DISC1: variants seen among roughly 807,000 people sequenced by gnomAD.
DISC1 encodes the protein disrupted in schizophrenia 1 protein.
Under a neutral mutation model 84.5 loss-of-function variants are expected in DISC1, and 57 were observed. The ratio of observed to expected loss-of-function variants is 0.67; its 90% CI spans 0.55 to 0.84. DISC1 has a LOEUF of 0.84. Ranked by LOEUF, DISC1 falls within the 40% of genes least tolerant of loss-of-function variation. The pLI is 0.00. For synonymous variants in DISC1, 411 were observed against 415.2 expected (o/e 0.99, Z 0.12); for missense variants, 1,000 against 1,057.8 (o/e 0.95, Z 0.76).
At chr1:231,817,523 A>G (rs980962334) in intron 8 of DISC1, among the ~76,000 whole-genome samples, 1 of 152,258 alleles carries the variant, frequency 6.6e-6, no homozygotes, top group Non-Finnish European at 1.5e-5. Context: ...GTGTATGTAT[A>G]CAGTGTATCT....
chr1:231,867,581 T>C (rs983978773), intron 9 of DISC1, among the ~76,000 whole-genome samples: 4 of 152,246 alleles, frequency 2.6e-5, no homozygotes, highest in Admixed American at 2.6e-4. Context: ...CTCCTGAGTG[T>C]GCAAGACAGG....
rs140157274 is a variant in DISC1, at chr1:231,954,668, C to T, written c.1982-4160C>T. Among the ~76,000 whole-genome samples the T allele has an allele frequency of 8.5e-4, 130 of 152,230 alleles. 2 individuals are homozygous for T. In the East Asian group the frequency reaches 0.011, roughly 13 times the overall value. ...GCCATTCTCATAGGTCCCTGCTCTA[C>T]TGGACCTAAAATGGTAGGGAAGAAA... On this transcript the variant is annotated intron_variant, in intron 9 of 12. Transcript: ENST00000439617. The surrounding 1 kb of genome is among the most constrained non-coding windows in gnomAD (Gnocchi z 4.8).
chr1:231,719,519 T>G (rs907361472), intron 3 of DISC1, among the ~76,000 whole-genome samples: 5 of 152,244 alleles, frequency 3.3e-5, no homozygotes, highest in African/African-American at 1.2e-4. Flanking sequence ...CTGTATAAGC[T>G]TGGACAAATT....
intron 11 of DISC1, among the ~76,000 whole-genome samples, chr1:232,019,072 A>C (rs912164493): frequency 6.6e-6 from 1 of 152,196 alleles, no homozygotes; most frequent in Non-Finnish European, 1.5e-5. Flanking sequence ...AGCACCTTTT[A>C]TGAGCAAGGT....
At chr1:231,956,679 T>C (rs1174064186) in intron 9 of DISC1, among the ~76,000 whole-genome samples, 1 of 152,162 alleles carries the variant, frequency 6.6e-6, no homozygotes, top group Non-Finnish European at 1.5e-5. Context: ...ATGTGCAAAA[T>C]TCTGTGAGTC....
At chr1:231,849,047 T>G (rs1277880769) in intron 9 of DISC1, among the ~76,000 whole-genome samples, 2 of 152,198 alleles carry the variant, frequency 1.3e-5, no homozygotes, top group Admixed American at 1.3e-4. Flanking sequence ...TTGAACACTT[T>G]GTACCTGCTG....
intron 10 of DISC1, among the ~76,000 whole-genome samples, chr1:231,984,163 G>T (rs1664065972): frequency 6.6e-6 from 1 of 152,128 alleles, no homozygotes; most frequent in Non-Finnish European, 1.5e-5. Context: ...AAATAACTTT[G>T]CAGTCAGTCC....
chr1:231,895,144 T>C (rs2087584439), intron 9 of DISC1, among the ~76,000 whole-genome samples: 1 of 151,786 alleles, frequency 6.6e-6, no homozygotes, highest in South Asian at 2.1e-4. Context: ...TTTTTTAGTA[T>C]TCTATTTTAT....
chr1:231,791,616 T>A (rs112618420), intron 6 of DISC1, among the ~76,000 whole-genome samples: 3 of 152,290 alleles, frequency 2.0e-5, no homozygotes, highest in African/African-American at 7.2e-5. Context: ...AGGTCTGGTG[T>A]GTTTCTGAAA....
At chr1:232,025,938 C>A (rs1484898277) in intron 11 of DISC1, among the ~76,000 whole-genome samples, 1 of 152,124 alleles carries the variant, frequency 6.6e-6, no homozygotes, top group African/African-American at 2.4e-5. Flanking sequence ...GCAGTATACA[C>A]CTCATGGCAC....
At chr1:231,749,880 A>G (rs2074415961) in intron 3 of DISC1, 46 bp from the exon 4 acceptor site, 1 of 1,613,732 alleles carries the variant, frequency 6.2e-7, no homozygotes, top group African/African-American at 1.3e-5. Context: ...TCTATTTTGC[A>G]TTTCATGGTT....
chr1:231,683,706 G>A (rs968527332), intron 1 of DISC1, among the ~76,000 whole-genome samples: 7 of 151,382 alleles, frequency 4.6e-5, no homozygotes, highest in African/African-American at 7.3e-5. Flanking sequence ...CTTCTTAGGC[G>A]GTCTCATTTA....
intron 10 of DISC1, among the ~76,000 whole-genome samples, chr1:231,962,142 T>G (rs543978108): frequency 2.6e-4 from 39 of 152,318 alleles, no homozygotes; most frequent in Non-Finnish European, 5.3e-4. Flanking sequence ...GATGTTAAAC[T>G]TTTTTTGTAT....
At chr1:231,966,689 T>C (rs1326053776) in intron 10 of DISC1, among the ~76,000 whole-genome samples, 1 of 152,254 alleles carries the variant, frequency 6.6e-6, no homozygotes, top group African/African-American at 2.4e-5. Flanking sequence ...CTACTTTTTT[T>C]CCTGAAGTTC....
intron 9 of DISC1, among the ~76,000 whole-genome samples, chr1:231,832,797 C>T (rs1449193331): frequency 1.2e-4 from 18 of 148,566 alleles, no homozygotes; most frequent in South Asian, 6.5e-4. Flanking sequence ...ATTGATAAGG[C>T]GCAGATCCTG....
At chr1:231,818,846 T>A in intron 9 of DISC1, 1 of 1,128,876 alleles carries the variant, frequency 8.9e-7, no homozygotes, top group South Asian at 2.6e-5. Flanking sequence ...ATTATCTTCC[T>A]TTTGTCCCTT....
chr1:232,000,915 A>T (rs757267913), intron 10 of DISC1, among the ~76,000 whole-genome samples: 8 of 152,168 alleles, frequency 5.3e-5, no homozygotes, highest in Non-Finnish European at 7.3e-5. Flanking sequence ...TTGTTAGCAG[A>T]TTAAAGATTA....
In DISC1 at chr1:231,888,306, T is replaced by C. The variant is rs200107579; in HGVS notation, c.1981+69789T>C. On this transcript the variant is annotated intron_variant, in intron 9 of 12. Transcript: ENST00000439617. The stretch of plus-strand genomic sequence containing the variant: ...GGCTCTCAGGTGGAGGCTGTTTGCA[T>C]GATCAGCAGATAGGAAGGTACCATG... Among the ~76,000 whole-genome samples, 141 of 152,162 alleles carry C rather than the reference T, an allele frequency of 9.3e-4. 1 individual carries two copies. Among genetic ancestry groups the C allele is most frequent in the Non-Finnish European group, 1.3e-3 (90 of 68,000 alleles).
chr1:231,784,244 C>A (rs1277051947), intron 6 of DISC1, among the ~76,000 whole-genome samples: 1 of 145,950 alleles, frequency 6.9e-6, no homozygotes, highest in African/African-American at 2.6e-5. Flanking sequence ...GCCTGGGTGA[C>A]AGAGCGAGAC....
Sources: gnomAD v4.1 joint callset for allele counts (sites outside exome capture counted in the v4.1 genomes callset) on GRCh38, gnomAD v4.1.1 for gene constraint, Gnocchi (gnomAD v3.1) non-coding constraint, MANE v1.5 for transcripts, NCBI Gene and HGNC (gene_info 2026-07-23, HGNC 2026-07-21) for gene names.